The following UNC13B variants were observed in gnomAD, a reference collection of about 807,000 sequenced individuals.
The protein encoded by UNC13B is unc-13 homolog B, also known as protein unc-13 homolog B.
UNC13B carries 144 observed loss-of-function variants against 211.0 expected under a neutral mutation model. The observed-to-expected ratio is 0.68, with a 90% CI of 0.60 to 0.78. UNC13B has a LOEUF of 0.78. Among genes scored for constraint, UNC13B ranks in the 30% least tolerant of loss-of-function variants. The pLI is 0.00. For missense variants in UNC13B, 1,777 were observed against 2,002.0 expected, an observed-to-expected ratio of 0.89 and a Z score of 2.14; for synonymous variants, 709 against 725.8, an observed-to-expected ratio of 0.98 and a Z score of 0.37.
intron 11 of UNC13B, among the ~76,000 whole-genome samples, chr9:35,349,634 A>G (rs1429981004): frequency 1.3e-5 from 2 of 152,212 alleles, no homozygotes; most frequent in Non-Finnish European, 2.9e-5. Flanking sequence ...GAATTCCTCA[A>G]TGAATTAGAG....
intron 1 of UNC13B, among the ~76,000 whole-genome samples, chr9:35,175,302 G>A (rs969114398): frequency 2.6e-5 from 4 of 152,192 alleles, no homozygotes; most frequent in African/African-American, 9.7e-5. Flanking sequence ...ATATATGGAA[G>A]TTGCAGGTAT....
chr9:35,229,950 T>C (rs1825103288), intron 2 of UNC13B, among the ~76,000 whole-genome samples: 1 of 152,200 alleles, frequency 6.6e-6, no homozygotes, highest in African/African-American at 2.4e-5. Flanking sequence ...ATTTTTTCAT[T>C]GTATAACATT....
At chr9:35,365,614 A>C (rs972464735) in intron 11 of UNC13B, among the ~76,000 whole-genome samples, 8 of 152,166 alleles carry the variant, frequency 5.3e-5, no homozygotes, top group Non-Finnish European at 1.5e-5. Flanking sequence ...TTCCATAAGC[A>C]ACCTTAGAAG....
chr9:35,375,778 C>G (rs933830730), intron 14 of UNC13B, among the ~76,000 whole-genome samples: 2 of 152,078 alleles, frequency 1.3e-5, no homozygotes, highest in Non-Finnish European at 2.9e-5. Context: ...GTCAGGAGTT[C>G]GAGACAAGCC....
Position 35,187,180 on chromosome 9 carries a change from A to G in UNC13B, c.22+24875A>G, listed in dbSNP as rs184134024. Among the ~76,000 whole-genome samples the G allele has an allele frequency of 2.6e-3, 399 of 152,304 alleles. 1 individual carries two copies. Among genetic ancestry groups the G allele is most frequent in the African/African-American group, 8.8e-3 (364 of 41,570 alleles). On this transcript the variant is annotated intron_variant, in intron 1 of 39. Coordinates refer to ENST00000635942, the MANE Select transcript of UNC13B (RefSeq NM_001371189.2). Reference sequence around the variant, plus strand: ...GTAGATAATTTCCATGTAAAATTTTACTTGCCAAGATATAGAATCTCCCTT... The same window carrying G: ...GTAGATAATTTCCATGTAAAATTTTGCTTGCCAAGATATAGAATCTCCCTT...
intron 1 of UNC13B, among the ~76,000 whole-genome samples, chr9:35,201,980 C>G (rs1665551350): frequency 1.3e-5 from 2 of 152,132 alleles, no homozygotes. Context: ...GCATTTAGTG[C>G]TATAAATTTC....
intron 1 of UNC13B, among the ~76,000 whole-genome samples, chr9:35,207,188 G>A (rs1053328024): frequency 6.6e-6 from 1 of 151,974 alleles, no homozygotes; most frequent in African/African-American, 2.4e-5. Flanking sequence ...ATCTTACTGT[G>A]GTTTTGATTT....
intron 11 of UNC13B, among the ~76,000 whole-genome samples, chr9:35,329,304 A>G (rs1831234064): frequency 6.6e-6 from 1 of 152,096 alleles, no homozygotes; most frequent in Non-Finnish European, 1.5e-5. Context: ...CTGAAGTCAT[A>G]TGGGTGGGCT....
Position 35,381,549 on chromosome 9 carries a change from C to T in UNC13B, c.10492-7C>T, listed in dbSNP as rs1339828858. On this transcript the variant is annotated splice_polypyrimidine_tract_variant and splice_region_variant and intron_variant, in intron 19 of 39. Coordinates refer to ENST00000635942, the MANE Select transcript of UNC13B (RefSeq NM_001371189.2). ...CCCATTCCCTTTCTCTGCTCTGTCT[C>T]CTGCAGAATCTTTTCCATTACCTCA... 6.2e-7 allele frequency: 1 copy of T among 1,612,232 alleles called. No homozygotes were observed. Among genetic ancestry groups the T allele is most frequent in the Admixed American group, 1.7e-5 (1 of 59,874 alleles).
intron 1 of UNC13B, among the ~76,000 whole-genome samples, chr9:35,224,292 C>T (rs868239934): frequency 2.6e-5 from 4 of 152,060 alleles, no homozygotes; most frequent in Non-Finnish European, 4.4e-5. Flanking sequence ...GTACGTTTTT[C>T]CATTTGTTTG....
At chr9:35,210,673 G>A (rs1266898661) in intron 1 of UNC13B, among the ~76,000 whole-genome samples, 2 of 151,296 alleles carry the variant, frequency 1.3e-5, no homozygotes, top group Admixed American at 6.6e-5. Flanking sequence ...ACAGGCATGT[G>A]CCACCATGCC....
At chr9:35,355,793 T>C (rs2132090227) in intron 11 of UNC13B, among the ~76,000 whole-genome samples, 1 of 152,342 alleles carries the variant, frequency 6.6e-6, no homozygotes, top group South Asian at 2.1e-4. Context: ...CTTTTTCTTC[T>C]TCCCAGGCAA....
At position 35,396,495 on chromosome 9, in the gene UNC13B, G is replaced by A; in HGVS notation, c.11328G>A (p.Leu3776=). The A allele has an allele frequency of 6.2e-7, 1 of 1,614,148 alleles. No individual in the cohort carries two copies. The highest frequency in any genetic ancestry group is 1.1e-5 in the South Asian group (1 of 91,080). ...CACTAGAGCATGAGAAAGACCACCT[G>A]TGTAAAAGTGCTGACTACATGAACC... ...YALEEHEKDH[L]CKSADYMNLH... Residue 3776 remains leucine, a synonymous_variant, in exon 27 of 40, where the codon CTG becomes CTA. Transcript: ENST00000635942.
At chr9:35,316,845 TTGAA>T (rs1830483688) in intron 11 of UNC13B, among the ~76,000 whole-genome samples, 1 of 152,120 alleles carries the variant, frequency 6.6e-6, no homozygotes, top group Non-Finnish European at 1.5e-5. Flanking sequence ...ATTGAAGTAA[TTGAA>T]TGTACAATCA....
At position 35,402,304 on chromosome 9, in the gene UNC13B, C is replaced by T. The variant is rs975044783; in HGVS notation, c.12485-863C>T. On this transcript the variant is annotated intron_variant, in intron 37 of 39. Coordinates refer to ENST00000635942, the MANE Select transcript of UNC13B (RefSeq NM_001371189.2). ...TTTCTTTTTTTTTTTTTTTTTGAGACGGAGTCTCGCTCTGTCGCCCAGGCT... is the reference window on the plus strand; with the variant it reads ...TTTCTTTTTTTTTTTTTTTTTGAGATGGAGTCTCGCTCTGTCGCCCAGGCT... 7.9e-5 allele frequency among the ~76,000 whole-genome samples: 11 copies of T among 138,526 alleles called. No individual in the cohort carries two copies. In the East Asian group the frequency reaches 1.3e-3, roughly 16 times the overall value. 90.9% of individuals were successfully genotyped at this position (138,526 alleles called of 152,430 possible).
At chr9:35,228,341 AT>A (rs201621788) in intron 2 of UNC13B, among the ~76,000 whole-genome samples, 307 of 145,732 alleles carry the variant, frequency 2.1e-3, no homozygotes, top group Admixed American at 2.6e-3. Context: ...AGTGGAAACA[AT>A]TTTTTTTTTT....
intron 11 of UNC13B, among the ~76,000 whole-genome samples, chr9:35,362,315 A>G (rs1833471482): frequency 6.6e-6 from 1 of 152,292 alleles, no homozygotes; most frequent in East Asian, 1.9e-4. Flanking sequence ...GAGATGGAAG[A>G]TAGAAGTTTA....
At position 35,401,918 on chromosome 9, in the gene UNC13B, G is replaced by C. The variant is rs909343359; in HGVS notation, c.12485-1249G>C. 8.4e-6 allele frequency: 13 copies of C among 1,545,870 alleles called. No individual in the cohort carries two copies. In the African/African-American group the frequency reaches 1.5e-4, roughly 18 times the overall value. On this transcript the variant is annotated intron_variant, in intron 37 of 39. Coordinates refer to ENST00000635942, the MANE Select transcript of UNC13B (RefSeq NM_001371189.2). ...ATTCTTCTTTCTCTGTTCTGCTGCT[G>C]CTACTACCTCTGACTTGCCTGTCCT...
Position 35,304,712 on chromosome 9 carries a change from AAG to A in UNC13B, c.5311_5312del (p.Ser1771Ter), listed in dbSNP as rs749593699. On this transcript the variant is annotated frameshift_variant, in exon 9 of 40. Transcript: ENST00000635942. LOFTEE classifies it high-confidence loss of function. ...AGTTGGTAGTACTTTGAAGTTTGATAAGAGTGAATCCTTAGAGGCTTTGGCCA... is the reference window on the plus strand; with the variant it reads ...AGTTGGTAGTACTTTGAAGTTTGATAAGTGAATCCTTAGAGGCTTTGGCCA... ...ASVGSTLKFD[K>X]SESLEALAMQ... The A allele has an allele frequency of 1.0e-5, 4 of 398,778 alleles. No homozygotes were observed. Among genetic ancestry groups the A allele is most frequent in the African/African-American group, 2.1e-5 (1 of 48,636 alleles). The allele number at this position is 398,778 out of a possible 1,614,324, so 24.7% of individuals were successfully genotyped here.
Sources: allele counts gnomAD v4.1 joint callset (sites outside exome capture counted in the v4.1 genomes callset), GRCh38; gene constraint gnomAD v4.1.1; transcripts MANE v1.5; gene names NCBI Gene and HGNC (gene_info 2026-07-23, HGNC 2026-07-21).